Variants in NCAM2 observed in about 807,000 individuals in gnomAD.
NCAM2 encodes neural cell adhesion molecule 2.
In NCAM2, 30 loss-of-function variants were observed where a neutral mutation model predicts 98.1. The ratio of observed to expected loss-of-function variants is 0.31; its 90% CI spans 0.23 to 0.41. NCAM2 has a LOEUF of 0.41. Ranked by LOEUF, NCAM2 falls within the 10% of genes least tolerant of loss-of-function variation. NCAM2 has a pLI of 1.00. For missense variants in NCAM2, 867 were observed against 1,005.8 expected (o/e 0.86, Z 1.87); for synonymous variants, 368 against 342.4 (o/e 1.07, Z -0.83).
chr21:21,200,651 C>A (rs9306003), intron 1 of NCAM2, among the ~76,000 whole-genome samples: 151,687 of 151,694 alleles, frequency 1, 75,840 homozygotes, highest in Non-Finnish European at 1. Flanking sequence ...ACTTACCACA[C>A]TGCTATCTTG....
chr21:21,106,912 C>T (rs2066360812), intron 1 of NCAM2, among the ~76,000 whole-genome samples: 1 of 151,960 alleles, frequency 6.6e-6, no homozygotes, highest in South Asian at 2.1e-4. Context: ...AAAACTATTT[C>T]TCAAAAATTA....
chr21:21,538,103 C>T lies in NCAM2; in HGVS notation c.*146C>T, dbSNP rs890061509. The T allele has an allele frequency of 2.0e-5, 8 of 408,440 alleles. No individual in the cohort carries two copies. The highest frequency in any genetic ancestry group is 3.1e-5 in the Non-Finnish European group (7 of 223,814). 25.3% of individuals were successfully genotyped at this position (408,440 alleles called of 1,614,324 possible). A position where few individuals can be genotyped will look rare whatever the true frequency, so the allele number is the denominator to read the frequency against. On this transcript the variant is annotated 3_prime_UTR_variant, in exon 18 of 18. Coordinates refer to ENST00000400546, the MANE Select transcript of NCAM2 (RefSeq NM_004540.5). ...ACACATATACATATGATCAAATACTCCTGCCCATGATCCATTCCCTTTTGT... is the reference window on the plus strand; with the variant it reads ...ACACATATACATATGATCAAATACTTCTGCCCATGATCCATTCCCTTTTGT...
At chr21:21,251,622 G>A (rs752128545) in intron 1 of NCAM2, among the ~76,000 whole-genome samples, 1 of 152,050 alleles carries the variant, frequency 6.6e-6, no homozygotes, top group Non-Finnish European at 1.5e-5. Context: ...ACATACGTGT[G>A]CCTTTGGGAA....
Position 21,113,386 on chromosome 21 carries a change from C to A in NCAM2, c.55+114768C>A, listed in dbSNP as rs1252079362. 2.0e-5 allele frequency among the ~76,000 whole-genome samples: 3 copies of A among 152,232 alleles called. No individual in the cohort carries two copies. In the East Asian group the frequency reaches 5.8e-4, roughly 29 times the overall value. On this transcript the variant is annotated intron_variant, in intron 1 of 17. Coordinates refer to ENST00000400546, the MANE Select transcript of NCAM2 (RefSeq NM_004540.5). ...GTCCGTCAAGAGGCAGTAAAATATA[C>A]TAATGTTTTATATCTAAGCACTTAA...
In NCAM2 at chr21:21,468,656, A is replaced by G. The variant is rs199620831; in HGVS notation, c.1775-6A>G. 4.4e-6 allele frequency: 7 copies of G among 1,608,978 alleles called. No individual in the cohort carries two copies. Among genetic ancestry groups the G allele is most frequent in the East Asian group, 2.2e-5 (1 of 44,724 alleles). ...CAAATGAAGAAATGTTGTATTGTAT[A>G]TCTAGGTGAACCAAGTCCTCCATCC... On this transcript the variant is annotated splice_region_variant and splice_polypyrimidine_tract_variant and intron_variant, in intron 13 of 17. Transcript: ENST00000400546.
chr21:21,345,110 T>C (rs6518100), intron 8 of NCAM2, among the ~76,000 whole-genome samples: 86,076 of 151,848 alleles, frequency 0.57, 24,603 homozygotes, highest in Admixed American at 0.65. Flanking sequence ...TAGATCACAA[T>C]ACCCAAGGTT....
At chr21:21,214,512 C>A (rs1380170726) in intron 1 of NCAM2, among the ~76,000 whole-genome samples, 1 of 151,690 alleles carries the variant, frequency 6.6e-6, no homozygotes, top group Non-Finnish European at 1.5e-5. Context: ...TCTTTAACTC[C>A]TTAGGGACTC....
intron 10 of NCAM2, among the ~76,000 whole-genome samples, chr21:21,417,251 CAATTAGTTTAGAGTTA>C: frequency 6.6e-6 from 1 of 152,006 alleles, no homozygotes; most frequent in East Asian, 1.9e-4. Context: ...CTCATTAGAA[CAATTAGTTTAGAGTTA>C]AATTAGCCTT....
intron 10 of NCAM2, among the ~76,000 whole-genome samples, chr21:21,411,101 T>C (rs8126537): frequency 3.3e-5 from 1 of 30,192 alleles, no homozygotes; most frequent in African/African-American, 2.1e-4. Context: ...TGTATATATA[T>C]ACATATATAT....
At chr21:21,237,310 T>C (rs576585293) in intron 1 of NCAM2, among the ~76,000 whole-genome samples, 3 of 152,258 alleles carry the variant, frequency 2.0e-5, no homozygotes, top group East Asian at 1.9e-4. Context: ...TTACCTCTTC[T>C]AAGGAAAATT....
intron 14 of NCAM2, among the ~76,000 whole-genome samples, chr21:21,469,190 T>G (rs184442432): frequency 6.4e-4 from 98 of 152,140 alleles, no homozygotes; most frequent in African/African-American, 2.2e-3. Flanking sequence ...ATAATTTGAC[T>G]TACTTATCCA....
intron 1 of NCAM2, among the ~76,000 whole-genome samples, chr21:21,146,684 GCAATA>G: frequency 6.6e-6 from 1 of 151,668 alleles, no homozygotes; most frequent in South Asian, 2.1e-4. Context: ...TTTCTTAACA[GCAATA>G]CATTTAATAC....
intron 1 of NCAM2, among the ~76,000 whole-genome samples, chr21:21,054,578 G>A (rs1373453108): frequency 2.0e-5 from 3 of 151,936 alleles, no homozygotes; most frequent in Non-Finnish European, 4.4e-5. Context: ...TAACACACAG[G>A]CATATGAAAT....
At chr21:21,324,293 T>C (rs2074453891) in intron 5 of NCAM2, 90 bp from the exon 6 acceptor site, 1 of 879,636 alleles carries the variant, frequency 1.1e-6, no homozygotes, top group Non-Finnish European at 1.8e-6. Context: ...AGGATGACAT[T>C]TGAAAGCTTA....
intron 9 of NCAM2, among the ~76,000 whole-genome samples, chr21:21,381,044 A>G (rs779187333): frequency 6.6e-6 from 1 of 152,218 alleles, no homozygotes; most frequent in Non-Finnish European, 1.5e-5. Flanking sequence ...ATGTGAAATT[A>G]AAATGTGTCT....
chr21:21,024,382 C>T (rs2064497605), intron 1 of NCAM2, among the ~76,000 whole-genome samples: 1 of 151,742 alleles, frequency 6.6e-6, no homozygotes, highest in African/African-American at 2.4e-5. Flanking sequence ...CCAAGAAATC[C>T]TGGGGGGGGA....
chr21:21,005,255 A>C (rs2064090378), intron 1 of NCAM2, among the ~76,000 whole-genome samples: 1 of 152,212 alleles, frequency 6.6e-6, no homozygotes, highest in Non-Finnish European at 1.5e-5. Context: ...AGGATGGACC[A>C]GAAGGAAAGC....
intron 11 of NCAM2, among the ~76,000 whole-genome samples, chr21:21,428,219 G>A (rs1444579006): frequency 1.3e-5 from 2 of 152,052 alleles, no homozygotes; most frequent in Non-Finnish European, 2.9e-5. Flanking sequence ...ATCAATTTTT[G>A]GGATATAAGA....
chr21:21,519,320 C>T (rs1283020804), intron 16 of NCAM2, among the ~76,000 whole-genome samples: 2 of 151,886 alleles, frequency 1.3e-5, no homozygotes, highest in African/African-American at 2.4e-5. Flanking sequence ...AATCAGGGAG[C>T]CCAGTTAAGA....
Sources: gnomAD v4.1 joint callset for allele counts (sites outside exome capture counted in the v4.1 genomes callset) on GRCh38, gnomAD v4.1.1 for gene constraint, MANE v1.5 for transcripts, NCBI Gene and HGNC (gene_info 2026-07-23, HGNC 2026-07-21) for gene names.